KCNIP1: variants seen among roughly 807,000 people sequenced by gnomAD.
KCNIP1 encodes the protein potassium voltage-gated channel interacting protein 1.
Under a neutral mutation model 33.0 loss-of-function variants are expected in KCNIP1, and 18 were observed. The observed-to-expected ratio is 0.55, with a 90% CI of 0.38 to 0.81. The LOEUF (loss-of-function observed/expected upper bound fraction) is 0.81, where lower values mean the gene tolerates loss of function less well. Ranked by LOEUF, KCNIP1 falls within the 30% of genes least tolerant of loss-of-function variation. The pLI, the probability that KCNIP1 is intolerant of heterozygous loss-of-function variation, is 0.00. For synonymous variants in KCNIP1, 93 were observed against 98.3 expected, an observed-to-expected ratio of 0.95 and a Z score of 0.32; for missense variants, 238 against 271.6, an observed-to-expected ratio of 0.88 and a Z score of 0.87.
chr5:170,525,364 A>G (rs1755529594), intron 1 of KCNIP1, among the ~76,000 whole-genome samples: 1 of 152,192 alleles, frequency 6.6e-6, no homozygotes, highest in Non-Finnish European at 1.5e-5. Context: ...TGCCCCATAG[A>G]GTTGTGTGGA....
At chr5:170,364,797 G>T (rs1189280818) in intron 1 of KCNIP1, among the ~76,000 whole-genome samples, 1 of 152,138 alleles carries the variant, frequency 6.6e-6, no homozygotes, top group Non-Finnish European at 1.5e-5. Context: ...TATGTTTAAG[G>T]TATACAGTGT....
chr5:170,575,820 T>C (rs964689259), intron 1 of KCNIP1, among the ~76,000 whole-genome samples: 11 of 152,214 alleles, frequency 7.2e-5, no homozygotes, highest in African/African-American at 2.7e-4. Context: ...AAATAATTGG[T>C]CTTTCTTCTT....
Position 170,383,707 on chromosome 5 carries a change from G to A in KCNIP1, c.88+29743G>A, listed in dbSNP as rs138146959. 34 of 1,614,034 alleles carry A rather than the reference G, an allele frequency of 2.1e-5. No individual in the cohort carries two copies. The highest frequency in any genetic ancestry group is 1.2e-4 in the Admixed American group (7 of 60,004). On this transcript the variant is annotated intron_variant, in intron 1 of 7. Coordinates refer to the KCNIP1 transcript ENST00000377360. ...CTGGTTCTGGTCCCGAGTGTCCTCCGTGTGGTACAGCACAGCCCACCTGCC... is the reference window on the plus strand; with the variant it reads ...CTGGTTCTGGTCCCGAGTGTCCTCCATGTGGTACAGCACAGCCCACCTGCC...
intron 1 of KCNIP1, among the ~76,000 whole-genome samples, chr5:170,643,835 G>C (rs1760677764): frequency 6.6e-6 from 1 of 152,208 alleles, no homozygotes; most frequent in South Asian, 2.1e-4. Flanking sequence ...GCCACCCCCT[G>C]GCTCTGTGCC....
At chr5:170,560,736 T>C (rs952496070) in intron 1 of KCNIP1, among the ~76,000 whole-genome samples, 4 of 152,100 alleles carry the variant, frequency 2.6e-5, no homozygotes, top group Admixed American at 6.5e-5. Flanking sequence ...TCTATGTATG[T>C]TTGTGTCTCT....
chr5:170,411,782 G>A (rs571604797), intron 1 of KCNIP1, among the ~76,000 whole-genome samples: 1 of 152,162 alleles, frequency 6.6e-6, no homozygotes, highest in African/African-American at 2.4e-5. Context: ...ATGAAACACA[G>A]ATTTATTTAG....
At chr5:170,433,438 C>A (rs571425107) in intron 1 of KCNIP1, among the ~76,000 whole-genome samples, 1 of 152,148 alleles carries the variant, frequency 6.6e-6, no homozygotes, top group Admixed American at 6.5e-5. Context: ...CCGCCCGCCT[C>A]GGCACCCCAA....
chr5:170,434,620 G>A (rs749174079), intron 1 of KCNIP1, among the ~76,000 whole-genome samples: 7 of 152,110 alleles, frequency 4.6e-5, no homozygotes, highest in African/African-American at 1.2e-4. Context: ...ACTGGGGGAC[G>A]GGTCGGTGGG....
chr5:170,495,806 G>C (rs1561651383), intron 1 of KCNIP1, among the ~76,000 whole-genome samples: 1 of 152,228 alleles, frequency 6.6e-6, no homozygotes, highest in Non-Finnish European at 1.5e-5. Flanking sequence ...TAATATCTCA[G>C]TTGTATGTGG....
intron 1 of KCNIP1, among the ~76,000 whole-genome samples, chr5:170,718,030 T>A (rs1763693461): frequency 6.6e-6 from 1 of 152,220 alleles, no homozygotes; most frequent in Non-Finnish European, 1.5e-5. Context: ...ATGGGCAGAT[T>A]CCTTGCTTTA....
At position 170,722,822 on chromosome 5, in the gene KCNIP1, T is replaced by A; in HGVS notation, c.435+2T>A. The A allele has an allele frequency of 6.3e-7, 1 of 1,599,128 alleles. No individual in the cohort carries two copies. Among genetic ancestry groups the A allele is most frequent in the African/African-American group, 1.3e-5 (1 of 74,660 alleles). ...AAGGACGGATACATAAACAAAGAGG[T>A]AAGTGAGCTGGGGCCAGGGGTGTGA... On this transcript the variant is annotated splice_donor_variant, in intron 5 of 7. Transcript: ENST00000328939. LOFTEE classifies it high-confidence loss of function.
intron 4 of KCNIP1, among the ~76,000 whole-genome samples, chr5:170,722,332 T>A (rs1763854135): frequency 6.6e-6 from 1 of 152,028 alleles, no homozygotes; most frequent in Admixed American, 6.6e-5. Flanking sequence ...AAGGATGGAT[T>A]TGAATGTAGG....
rs397999898 is a variant in KCNIP1, at chr5:170,484,942, C to CTT, written c.88+130992_88+130993dup. 5.7e-3 allele frequency among the ~76,000 whole-genome samples: 734 copies of CTT among 129,368 alleles called. 9 individuals carry two copies. The highest frequency in any genetic ancestry group is 0.011 in the South Asian group (46 of 4,042). 84.9% of individuals were successfully genotyped at this position (129,368 alleles called of 152,430 possible). A position where few individuals can be genotyped will look rare whatever the true frequency, so the allele number is the denominator to read the frequency against. ...TTCTTTTTTTTGTTTTTTCTTTTTT[C>CTT]TTTTTTTTTTTTTTTGAGATGGAGT... On this transcript the variant is annotated intron_variant, in intron 1 of 7. Coordinates refer to the KCNIP1 transcript ENST00000377360.
chr5:170,703,901 A>G (rs1402291134), intron 1 of KCNIP1, among the ~76,000 whole-genome samples: 1 of 138,064 alleles, frequency 7.2e-6, no homozygotes, highest in African/African-American at 2.7e-5. Context: ...GAAAACAAAA[A>G]TAAAACAAAA....
At chr5:170,681,311 G>C in intron 1 of KCNIP1, 2 of 391,720 alleles carry the variant, frequency 5.1e-6, no homozygotes, top group Non-Finnish European at 9.0e-6. Context: ...GGCTGAAACA[G>C]CGTGGTATTG....
intron 1 of KCNIP1, among the ~76,000 whole-genome samples, chr5:170,699,751 A>G (rs1763027948): frequency 1.3e-5 from 2 of 152,030 alleles, no homozygotes; most frequent in African/African-American, 4.8e-5. Flanking sequence ...ATTAACTAAT[A>G]AGGAGAAACA....
At position 170,360,971 on chromosome 5, in the gene KCNIP1, T is replaced by A. The variant is rs1345592701; in HGVS notation, c.88+7007T>A. On this transcript the variant is annotated intron_variant, in intron 1 of 7. Coordinates refer to the KCNIP1 transcript ENST00000377360. ...CCACTCCCTATCTCCCTTGTCTGAA[T>A]TCCTGTGCTGGAGTTTGACAGCAGT... Among the ~76,000 whole-genome samples, 4 of 152,232 alleles carry A rather than the reference T, an allele frequency of 2.6e-5. No individual in the cohort carries two copies. In the South Asian group the frequency reaches 8.3e-4, roughly 31 times the overall value.
At chr5:170,658,699 A>C (rs2113741216) in intron 1 of KCNIP1, among the ~76,000 whole-genome samples, 1 of 152,282 alleles carries the variant, frequency 6.6e-6, no homozygotes, top group South Asian at 2.1e-4. Context: ...CTAGCACAGC[A>C]TCCAGGCCAC....
rs750952866 is a variant in KCNIP1, at chr5:170,721,826, C to T, written c.257-7C>T. ...CCCATCACCTGCCCTCCTTTTCTGC[C>T]TTGTAGATGCCAGCACGTATGCCCA... On this transcript the variant is annotated splice_polypyrimidine_tract_variant and splice_region_variant and intron_variant, in intron 3 of 7. Coordinates refer to ENST00000328939, the MANE Select transcript of KCNIP1 (RefSeq NM_014592.4). 6.2e-7 allele frequency: 1 copy of T among 1,614,138 alleles called. No homozygotes were observed. Among genetic ancestry groups the T allele is most frequent in the Non-Finnish European group, 8.5e-7 (1 of 1,180,012 alleles).
Sources: allele counts gnomAD v4.1 joint callset (sites outside exome capture counted in the v4.1 genomes callset), GRCh38; gene constraint gnomAD v4.1.1; transcripts MANE v1.5; gene names NCBI Gene and HGNC (gene_info 2026-07-23, HGNC 2026-07-21).